KLF8: variants seen among roughly 807,000 people sequenced by gnomAD.
KLF8 encodes Krueppel-like factor 8.
Under a neutral mutation model 18.2 loss-of-function variants are expected in KLF8, and 10 were observed. The ratio of observed to expected loss-of-function variants is 0.55; its 90% confidence interval spans 0.34 to 0.93. The LOEUF is 0.93. Ranked by LOEUF, KLF8 falls within the 40% of genes least tolerant of loss-of-function variation. The probability of loss-of-function intolerance (pLI) is 0.02; values close to 1 mark genes in which losing one functional copy is unlikely to be tolerated. For missense variants in KLF8, 264 were observed against 277.9 expected, an observed-to-expected ratio of 0.95 and a Z score of 0.36; for synonymous variants, 109 against 97.3, an observed-to-expected ratio of 1.12 and a Z score of -0.71.
At chrX:56,035,617 C>G in the KLF8 span, among the ~76,000 whole-genome samples, 3 of 112,036 alleles carry the variant, frequency 2.7e-5, no homozygotes, top group Non-Finnish European at 5.6e-5. Context: ...TTCATCCTTG[C>G]CAACATATGT....
the KLF8 span, among the ~76,000 whole-genome samples, chrX:55,966,795 C>G: frequency 8.9e-6 from 1 of 111,803 alleles, no homozygotes; most frequent in African/African-American, 3.3e-5. Context: ...GCACCAGGGA[C>G]AAATCCTGGA....
chrX:56,123,748 C>T, the KLF8 span, among the ~76,000 whole-genome samples: 454 of 111,932 alleles, frequency 4.1e-3, 4 homozygotes, highest in African/African-American at 0.014. Flanking sequence ...AGATGCTGAA[C>T]TAAAGAATTA....
chrX:56,234,456 A>G (rs766659640), intron 1 of KLF8, among the ~76,000 whole-genome samples: 1 of 111,251 alleles, frequency 9.0e-6, no homozygotes, highest in African/African-American at 3.3e-5. Flanking sequence ...TCCCTTTTCT[A>G]CTCAGTTTGG....
chrX:56,046,048 A>G, the KLF8 span, among the ~76,000 whole-genome samples: 1 of 103,578 alleles, frequency 9.7e-6, no homozygotes, highest in South Asian at 4.8e-4. Context: ...GAAAGTTTTC[A>G]TCACAAAGTT....
At chrX:55,979,432 A>G in the KLF8 span, among the ~76,000 whole-genome samples, 1 of 111,955 alleles carries the variant, frequency 8.9e-6, no homozygotes, top group Non-Finnish European at 1.9e-5. Flanking sequence ...TCAGGCATCC[A>G]CTGGGGGTCT....
the KLF8 span, among the ~76,000 whole-genome samples, chrX:55,937,723 G>T: frequency 8.9e-6 from 1 of 112,590 alleles, no homozygotes; most frequent in African/African-American, 3.2e-5. Flanking sequence ...ACTACGTGAT[G>T]AATGCACATG....
Position 56,277,853 on chromosome X carries a change from A to C in KLF8, c.899-6460A>C, listed in dbSNP as rs982417694. On this transcript the variant is annotated intron_variant, in intron 5 of 5. Transcript: ENST00000468660. ...TCTATTGTACTGTGGCTGAATTGGC[A>C]CTCAAACCATGAGACACAGTTCTTC... Among the ~76,000 whole-genome samples the C allele has an allele frequency of 2.7e-5, 3 of 112,444 alleles. No individual in the cohort carries two copies. In the East Asian group the frequency reaches 8.5e-4, roughly 32 times the overall value.
At chrX:56,061,275 C>A in the KLF8 span, among the ~76,000 whole-genome samples, 1 of 111,900 alleles carries the variant, frequency 8.9e-6, no homozygotes, top group Non-Finnish European at 1.9e-5. Context: ...AATTTTAGAT[C>A]TTTCCTGCTT....
the KLF8 span, among the ~76,000 whole-genome samples, chrX:56,048,236 T>A: frequency 8.9e-6 from 1 of 111,922 alleles, no homozygotes; most frequent in Non-Finnish European, 1.9e-5. Flanking sequence ...ACTCTGATGA[T>A]GATTTCTTTT....
chrX:56,284,478 GCCATGACA>G lies in KLF8; in HGVS notation c.1070_1077del (p.Asp357ValfsTer20), dbSNP rs761497223. 6.7e-6 allele frequency: 8 copies of G among 1,194,644 alleles called. No homozygotes were observed. The highest frequency in any genetic ancestry group is 7.9e-6 in the Non-Finnish European group (7 of 887,583). ...GACCACCTGTCCCTGCATCGCCGTC[GCCATGACA>G]CCATGTGAGCCGCACAGGTCACACT... On this transcript the variant is annotated frameshift_variant, in exon 6 of 6. Transcript: ENST00000468660. LOFTEE classifies it high-confidence loss of function.
the KLF8 span, among the ~76,000 whole-genome samples, chrX:55,985,447 C>G: frequency 9.0e-6 from 1 of 111,240 alleles, no homozygotes; most frequent in Admixed American, 9.5e-5. Flanking sequence ...GATGTTCTGT[C>G]TTATTTCTGA....
At position 56,272,592 on chromosome X, in the gene KLF8, A is replaced by G. The variant is rs187967735; in HGVS notation, c.898+2271A>G. On this transcript the variant is annotated intron_variant, in intron 5 of 5. Transcript: ENST00000468660. ...ATACCTTTGCCATGGGTATGTGACC[A>G]TAGGAATACTCACTTGAAGGCATTT... is the stretch of plus-strand genomic sequence containing the variant. 6.3e-3 allele frequency among the ~76,000 whole-genome samples: 702 copies of G among 111,186 alleles called. 9 individuals carry two copies. Among genetic ancestry groups the G allele is most frequent in the Middle Eastern group, 0.014 (3 of 217 alleles).
At chrX:55,938,951 C>T in the KLF8 span, among the ~76,000 whole-genome samples, 2 of 111,796 alleles carry the variant, frequency 1.8e-5, no homozygotes, top group Non-Finnish European at 3.8e-5. Flanking sequence ...CCACTGTCAA[C>T]ATTAGAAAGA....
the KLF8 span, among the ~76,000 whole-genome samples, chrX:56,042,247 A>T: frequency 9.2e-6 from 1 of 108,599 alleles, no homozygotes; most frequent in Non-Finnish European, 1.9e-5. Context: ...GCTGTTTGTT[A>T]TGATTTCAGT....
chrX:56,227,874 A>AACACACAC (rs72391707), upstream of KLF8, among the ~76,000 whole-genome samples: 66 of 85,528 alleles, frequency 7.7e-4, no homozygotes, highest in African/African-American at 2.6e-3. Flanking sequence ...CCCTAGCCCC[A>AACACACAC]ACACACACAC....
chrX:56,104,115 A>T, the KLF8 span, among the ~76,000 whole-genome samples: 1 of 111,859 alleles, frequency 8.9e-6, no homozygotes, highest in Admixed American at 9.5e-5. Context: ...TCAGTTTGCC[A>T]GTATTTTAGT....
chrX:55,956,801 T>C, the KLF8 span, among the ~76,000 whole-genome samples: 1 of 112,029 alleles, frequency 8.9e-6, no homozygotes, highest in Admixed American at 9.5e-5. Context: ...AATATTAACC[T>C]TTTATCTGAT....
intron 2 of KLF8, among the ~76,000 whole-genome samples, chrX:56,258,342 G>A (rs190293704): frequency 6.4e-4 from 71 of 111,562 alleles, no homozygotes; most frequent in African/African-American, 2.2e-3. Context: ...GTGTGATCTC[G>A]GTTCACCGCA....
At chrX:56,095,948 A>C in the KLF8 span, among the ~76,000 whole-genome samples, 1 of 111,836 alleles carries the variant, frequency 8.9e-6, no homozygotes, top group Non-Finnish European at 1.9e-5. Flanking sequence ...ACATTACTGG[A>C]TATCATCCAA....
Sources: allele counts gnomAD v4.1 joint callset (sites outside exome capture counted in the v4.1 genomes callset), GRCh38; gene constraint gnomAD v4.1.1; transcripts MANE v1.5; gene names NCBI Gene and HGNC (gene_info 2026-07-23, HGNC 2026-07-21).